Variants in FANCC observed in about 807,000 individuals in gnomAD.
FANCC encodes the protein Fanconi anemia group C protein.
A neutral mutation model predicts 71.3 loss-of-function variants in FANCC; 55 were observed. The observed-to-expected ratio is 0.77, with a 90% CI of 0.62 to 0.97. The LOEUF (loss-of-function observed/expected upper bound fraction) is 0.97. Ranked by LOEUF, FANCC falls within the 50% of genes least tolerant of loss-of-function variation. The probability of loss-of-function intolerance (pLI) is 0.00; values close to 1 mark genes in which losing one functional copy is unlikely to be tolerated. For synonymous variants in FANCC, 275 were observed against 244.9 expected (o/e 1.12, Z -1.15); for missense variants, 678 against 670.9 (o/e 1.01, Z -0.12).
At position 95,111,624 on chromosome 9, in the gene FANCC, G is replaced by A; in HGVS notation, c.1168C>T (p.Pro390Ser). Reference protein sequence around the residue: ...EDQTHGSCGGPFESWFLFIHF... With the variant: ...EDQTHGSCGGSFESWFLFIHF... ...ATGAACAGGAACCAGCTCTCAAAGGGACCTCCGCAGGACCTGGAACAGAGG... is the reference window on the plus strand; with the variant it reads ...ATGAACAGGAACCAGCTCTCAAAGGAACCTCCGCAGGACCTGGAACAGAGG... Residue 390 changes from proline to serine, a missense_variant, in exon 13 of 15, where the codon CCC becomes TCC. Pro to Ser is a moderately conservative substitution (Grantham distance 74, BLOSUM62 -1). Coordinates refer to ENST00000289081, the MANE Select transcript of FANCC (RefSeq NM_000136.3). The A allele has an allele frequency of 6.2e-7, 1 of 1,614,132 alleles. No individual in the cohort carries two copies. The highest frequency in any genetic ancestry group is 1.6e-4 in the Middle Eastern group (1 of 6,062).
At chr9:95,170,637 C>CGTGTGTGTGT (rs3992109) in intron 6 of FANCC, among the ~76,000 whole-genome samples, 25,582 of 123,994 alleles carry the variant, frequency 0.21, 2,978 homozygotes, top group Admixed American at 0.28. Context: ...TTGTAAATAT[C>CGTGTGTGTGT]GTGTGTGTGT....
At chr9:95,146,361 A>G (rs1829543124) in intron 7 of FANCC, among the ~76,000 whole-genome samples, 1 of 151,670 alleles carries the variant, frequency 6.6e-6, no homozygotes, top group Admixed American at 6.6e-5. Context: ...GGTAGCACAC[A>G]CCTGTGGTCC....
chr9:95,151,941 C>A (rs1014258792), intron 6 of FANCC, among the ~76,000 whole-genome samples: 26 of 148,590 alleles, frequency 1.7e-4, no homozygotes, highest in South Asian at 6.4e-4. Context: ...AAAAAAAAAA[C>A]AAAAAACAAA....
chr9:95,110,921 CCAA>C (rs764977539), intron 13 of FANCC: 3 of 1,319,644 alleles, frequency 2.3e-6, no homozygotes, highest in Non-Finnish European at 2.9e-6. Context: ...TAGGAAATGA[CCAA>C]CTTCTTTTTC....
chr9:95,294,314 T>C (rs1248031777), intron 1 of FANCC: 3 of 1,585,732 alleles, frequency 1.9e-6, no homozygotes, highest in Non-Finnish European at 2.6e-6. Context: ...CTTAGCACCA[T>C]GAACACTGAG....
At position 95,186,154 on chromosome 9, in the gene FANCC, A is replaced by C. The variant is rs539463869; in HGVS notation, c.346-14007T>G. The stretch of plus-strand genomic sequence containing the variant: ...TGGGGCCCTAGAATCTGCTTCTCCA[A>C]CAGGAGCACAACTCACCCCACTACA... On this transcript the variant is annotated intron_variant, in intron 4 of 14. Coordinates refer to ENST00000289081, the MANE Select transcript of FANCC (RefSeq NM_000136.3). Among the ~76,000 whole-genome samples the C allele has an allele frequency of 5.9e-5, 9 of 152,284 alleles. No homozygotes were observed. The East Asian group carries it at 1.7e-3, about 29-fold the overall frequency.
At chr9:95,257,707 A>G (rs1035110523) in intron 1 of FANCC, among the ~76,000 whole-genome samples, 19 of 152,316 alleles carry the variant, frequency 1.2e-4, no homozygotes, top group Non-Finnish European at 2.8e-4. Context: ...AGACAGAGAC[A>G]CAAAAAACCC....
At chr9:95,254,594 G>C (rs1831546112) in intron 1 of FANCC, among the ~76,000 whole-genome samples, 1 of 152,254 alleles carries the variant, frequency 6.6e-6, no homozygotes, top group Non-Finnish European at 1.5e-5. Flanking sequence ...CAGACCAGAA[G>C]ATTCCCTTGG....
At chr9:95,198,129 G>A (rs957520291) in intron 4 of FANCC, among the ~76,000 whole-genome samples, 1 of 152,142 alleles carries the variant, frequency 6.6e-6, no homozygotes, top group Non-Finnish European at 1.5e-5. Context: ...TGAGACACAC[G>A]TCATGACCCA....
At chr9:95,220,740 G>C (rs1321890002) in intron 4 of FANCC, among the ~76,000 whole-genome samples, 1 of 152,022 alleles carries the variant, frequency 6.6e-6, no homozygotes, top group African/African-American at 2.4e-5. Context: ...AGAGGGGAGG[G>C]ATAGCATTAG....
At chr9:95,125,301 G>GT in intron 9 of FANCC, 116 bp from the exon 10 acceptor site, 1 of 775,654 alleles carries the variant, frequency 1.3e-6, no homozygotes. Flanking sequence ...AGCTTCAGCA[G>GT]TATCTCAACT....
chr9:95,120,144 T>C lies in FANCC; in HGVS notation c.997-2754A>G, dbSNP rs553226741. 2.0e-5 allele frequency among the ~76,000 whole-genome samples: 3 copies of C among 152,386 alleles called. No individual in the cohort carries two copies. In the East Asian group the frequency reaches 5.8e-4, roughly 29 times the overall value. On this transcript the variant is annotated intron_variant, in intron 10 of 14. Coordinates refer to ENST00000289081, the MANE Select transcript of FANCC (RefSeq NM_000136.3). ...GCTCTCTCTAGGGGCTTTATCTTTC[T>C]AACATTTCTGTTGAAGCCCATGATC...
chr9:95,197,958 A>T (rs992880212), intron 4 of FANCC, among the ~76,000 whole-genome samples: 5 of 152,192 alleles, frequency 3.3e-5, no homozygotes, highest in Non-Finnish European at 7.3e-5. Flanking sequence ...GCCAAATTCC[A>T]GGAGTCCCTA....
At chr9:95,234,843 T>A (rs1830208458) in intron 4 of FANCC, among the ~76,000 whole-genome samples, 1 of 152,210 alleles carries the variant, frequency 6.6e-6, no homozygotes, top group Admixed American at 6.5e-5. Context: ...CGTTTCAGTC[T>A]GAGTGTGAAA....
chr9:95,140,080 A>G (rs1828408654), intron 7 of FANCC, among the ~76,000 whole-genome samples: 1 of 152,160 alleles, frequency 6.6e-6, no homozygotes, highest in South Asian at 2.1e-4. Context: ...GACTCCCCCA[A>G]ATCCCTACCT....
chr9:95,136,399 A>C (rs1827701983), intron 7 of FANCC, among the ~76,000 whole-genome samples: 1 of 151,962 alleles, frequency 6.6e-6, no homozygotes, highest in South Asian at 2.1e-4. Flanking sequence ...AAAAAATCCA[A>C]TTTCATATAT....
At chr9:95,135,557 A>T in intron 7 of FANCC, 55 bp from the exon 8 acceptor site, 1 of 1,548,702 alleles carries the variant, frequency 6.5e-7, no homozygotes, top group Non-Finnish European at 8.9e-7. Flanking sequence ...TGAAAAAAGA[A>T]GATTAAAAAA....
chr9:95,171,312 T>C (rs1375509434), intron 5 of FANCC, among the ~76,000 whole-genome samples, 169 bp from the exon 6 acceptor site: 1 of 152,208 alleles, frequency 6.6e-6, no homozygotes, highest in Non-Finnish European at 1.5e-5. Context: ...CATTTACTAA[T>C]AATTGGGATT....
At chr9:95,167,687 T>G (rs1386471584) in intron 6 of FANCC, among the ~76,000 whole-genome samples, 1 of 152,210 alleles carries the variant, frequency 6.6e-6, no homozygotes, top group African/African-American at 2.4e-5. Flanking sequence ...TTTGTTGATA[T>G]TCTCATTTTG....
Sources: gnomAD v4.1 joint callset for allele counts (sites outside exome capture counted in the v4.1 genomes callset) on GRCh38, gnomAD v4.1.1 for gene constraint, MANE v1.5 for transcripts, NCBI Gene and HGNC (gene_info 2026-07-23, HGNC 2026-07-21) for gene names.